EYA3: variants seen among roughly 807,000 people sequenced by gnomAD.
EYA3 encodes the protein EYA transcriptional coactivator and phosphatase 3.
Under a neutral mutation model 80.0 loss-of-function variants are expected in EYA3, and 39 were observed. The observed-to-expected ratio is 0.49, with a 90% CI of 0.38 to 0.64. The LOEUF (loss-of-function observed/expected upper bound fraction) is 0.64. Among genes scored for constraint, EYA3 ranks in the 30% least tolerant of loss-of-function variants. EYA3 has a pLI of 0.00. For synonymous variants in EYA3, 206 were observed against 232.8 expected, an observed-to-expected ratio of 0.88 and a Z score of 1.05; for missense variants, 523 against 676.1, an observed-to-expected ratio of 0.77 and a Z score of 2.51.
chr1:28,066,705 T>G (rs1644848270), intron 1 of EYA3, among the ~76,000 whole-genome samples: 2 of 152,094 alleles, frequency 1.3e-5, no homozygotes, highest in Admixed American at 6.5e-5. Flanking sequence ...TAAAATAAAC[T>G]TTCATGCAAT....
chr1:27,986,872 T>G (rs1167884206), intron 16 of EYA3, among the ~76,000 whole-genome samples: 1 of 151,996 alleles, frequency 6.6e-6, no homozygotes, highest in Non-Finnish European at 1.5e-5. Context: ...CCAGCTAATT[T>G]TTTGTATTTT....
rs1640227247 is a variant in EYA3, at chr1:27,993,649, T to TA, written c.1143-90dup. 4.4e-6 allele frequency: 5 copies of TA among 1,124,690 alleles called. No homozygotes were observed. In the Admixed American group the frequency reaches 1.6e-4, roughly 36 times the overall value. The allele number at this position is 1,124,690 out of a possible 1,614,324, so 69.7% of individuals were successfully genotyped here. A position where few individuals can be genotyped will look rare whatever the true frequency, so the allele number is the denominator to read the frequency against. On this transcript the variant is annotated intron_variant, in intron 13 of 17. Coordinates refer to ENST00000373871, the MANE Select transcript of EYA3 (RefSeq NM_001990.4). ...ATTTGGTTGGGTTCTTGGTATCTGA[T>TA]AAATAAGGCCAATGGCTTTAAGGAT...
intron 10 of EYA3, among the ~76,000 whole-genome samples, chr1:28,005,619 G>A (rs190769500): frequency 1.8e-3 from 274 of 152,102 alleles, no homozygotes; most frequent in Non-Finnish European, 2.7e-3. Flanking sequence ...GGAGGCTGAG[G>A]CGGGAGGATC....
intron 1 of EYA3, among the ~76,000 whole-genome samples, chr1:28,071,975 C>G (rs910906188): frequency 6.6e-6 from 1 of 152,096 alleles, no homozygotes. Context: ...AAACAATTTT[C>G]CCAGGGGCCC....
At chr1:28,076,679 AAAAG>A (rs1371923194) in intron 1 of EYA3, among the ~76,000 whole-genome samples, 1,200 of 64,092 alleles carry the variant, frequency 0.019, 8 homozygotes, top group African/African-American at 0.029. Context: ...AAAAAAAAAA[AAAAG>A]AAAGAAAGAA....
chr1:27,977,883 G>A lies in EYA3; in HGVS notation c.1641+491C>T, dbSNP rs905368907. ...AAAAAAAGAAAAAAGAAAAAAAGAAGGGGTGACCTGAAGTTGGGACCTGTA... is the reference window on the plus strand; with the variant it reads ...AAAAAAAGAAAAAAGAAAAAAAGAAAGGGTGACCTGAAGTTGGGACCTGTA... On this transcript the variant is annotated intron_variant, in intron 17 of 17. Transcript: ENST00000373871. Among the ~76,000 whole-genome samples, 5 of 151,334 alleles carry A rather than the reference G, an allele frequency of 3.3e-5. No homozygotes were observed. The South Asian group carries it at 1.0e-3, about 32-fold the overall frequency.
At chr1:27,981,780 GA>G in intron 16 of EYA3, among the ~76,000 whole-genome samples, 1 of 140,300 alleles carries the variant, frequency 7.1e-6, no homozygotes, top group African/African-American at 2.6e-5. Context: ...AAAAAAAAAA[GA>G]AAAAAATGCC....
intron 5 of EYA3, among the ~76,000 whole-genome samples, chr1:28,038,015 G>A (rs1347752060): frequency 6.6e-6 from 1 of 152,066 alleles, no homozygotes; most frequent in Non-Finnish European, 1.5e-5. Flanking sequence ...ACCCACTTTG[G>A]AGATGAAAAA....
chr1:28,056,988 A>G (rs1205996355), intron 2 of EYA3, among the ~76,000 whole-genome samples: 1 of 152,166 alleles, frequency 6.6e-6, no homozygotes, highest in Non-Finnish European at 1.5e-5. Context: ...CCTGATAATT[A>G]AAGTCCCACC....
intron 10 of EYA3, among the ~76,000 whole-genome samples, chr1:28,005,456 G>A (rs1641196269): frequency 6.6e-6 from 1 of 152,210 alleles, no homozygotes; most frequent in South Asian, 2.1e-4. Flanking sequence ...GCTCACACCT[G>A]TAAACCTAGC....
chr1:28,059,585 G>C (rs1158861588), intron 1 of EYA3, among the ~76,000 whole-genome samples: 2 of 151,974 alleles, frequency 1.3e-5, no homozygotes, highest in Non-Finnish European at 2.9e-5. Flanking sequence ...TTTTCTTTAA[G>C]GGACAATCCT....
intron 3 of EYA3, among the ~76,000 whole-genome samples, chr1:28,047,640 T>TC (rs35599574): frequency 1.2e-5 from 1 of 84,010 alleles, no homozygotes; most frequent in Admixed American, 1.2e-4. Flanking sequence ...CTCTTTTCTC[T>TC]TTTTTTTTTT....
Position 28,038,841 on chromosome 1 carries a change from T to C in EYA3, c.222A>G (p.Ala74=). Residue 74 remains alanine, a splice_region_variant and synonymous_variant, in exon 5 of 18, where the codon GCA becomes GCG. Transcript: ENST00000373871. ...TTGGAAATAATTATTCAACTTACTT[T>C]GCAGAATACATTTGTGAGGTATAAT... The part of the protein sequence containing the change: ...SNDYTSQMYS[A]KPYAHILSVP... The C allele has an allele frequency of 6.4e-7, 1 of 1,565,376 alleles. No individual in the cohort carries two copies.
At position 28,048,432 on chromosome 1, in the gene EYA3, AAAAT is replaced by A. The variant is rs1557614883; in HGVS notation, c.34-10_34-7del. On this transcript the variant is annotated splice_region_variant and splice_polypyrimidine_tract_variant and intron_variant, in intron 2 of 17. Coordinates refer to ENST00000373871, the MANE Select transcript of EYA3 (RefSeq NM_001990.4). ...TGCATCTTGGCTTTTTTCACCTGCAAAAATAAATATACAAAGGTATCAATGTACT... is the reference window on the plus strand; with the variant it reads ...TGCATCTTGGCTTTTTTCACCTGCAAAAATATACAAAGGTATCAATGTACT... 5 of 1,610,364 alleles carry A rather than the reference AAAAT, an allele frequency of 3.1e-6. No individual in the cohort carries two copies. The East Asian group carries it at 8.9e-5, about 29-fold the overall frequency.
chr1:28,080,877 AGTAGCTGGGATTATAGGC>A (rs1371902303), intron 1 of EYA3, among the ~76,000 whole-genome samples: 1 of 151,596 alleles, frequency 6.6e-6, no homozygotes, highest in Non-Finnish European at 1.5e-5. Context: ...CAGCCTCCCA[AGTAGCTGGGATTATAGGC>A]GCCTGCCACC....
intron 1 of EYA3, among the ~76,000 whole-genome samples, chr1:28,079,379 T>G (rs369324810): frequency 6.6e-6 from 1 of 152,220 alleles, no homozygotes; most frequent in Non-Finnish European, 1.5e-5. Context: ...CATATACACA[T>G]GAGCAAACTG....
intron 11 of EYA3, among the ~76,000 whole-genome samples, chr1:28,002,860 C>T (rs1268543747): frequency 6.6e-6 from 1 of 151,676 alleles, no homozygotes; most frequent in Non-Finnish European, 1.5e-5. Context: ...GTGGCTCACA[C>T]CTGTAATCCC....
At chr1:27,975,843 T>G (rs1361549622) in intron 17 of EYA3, among the ~76,000 whole-genome samples, 1 of 148,906 alleles carries the variant, frequency 6.7e-6, no homozygotes, top group African/African-American at 2.5e-5. Context: ...GTCTCACTCT[T>G]TTGCCCAGGC....
intron 4 of EYA3, 95 bp downstream of exon 4, chr1:28,042,476 G>A: frequency 9.5e-7 from 1 of 1,057,170 alleles, no homozygotes; most frequent in Non-Finnish European, 1.4e-6. Context: ...GATATTTTGG[G>A]ACAAACAAGG....
Sources: allele counts gnomAD v4.1 joint callset (sites outside exome capture counted in the v4.1 genomes callset), GRCh38; gene constraint gnomAD v4.1.1; transcripts MANE v1.5; gene names NCBI Gene and HGNC (gene_info 2026-07-23, HGNC 2026-07-21).